Variants in DUSP16 observed in about 807,000 individuals in gnomAD.
DUSP16 encodes the protein dual specificity protein phosphatase 16.
DUSP16 carries 21 observed loss-of-function variants against 58.3 expected under a neutral mutation model. That is an observed-to-expected ratio of 0.36 (90% CI 0.26 to 0.52). The LOEUF (loss-of-function observed/expected upper bound fraction) is 0.52, where lower values mean the gene tolerates loss of function less well. DUSP16 is among the 20% of genes least tolerant of loss of function. The probability of loss-of-function intolerance (pLI) is 0.94; values close to 1 mark genes in which losing one functional copy is unlikely to be tolerated. For missense variants in DUSP16, 726 were observed against 819.0 expected (o/e 0.89, Z 1.39); for synonymous variants, 320 against 323.8 (o/e 0.99, Z 0.12).
intron 3 of DUSP16, among the ~76,000 whole-genome samples, chr12:12,511,507 T>C (rs1944079295): frequency 2.0e-5 from 3 of 152,090 alleles, no homozygotes; most frequent in Admixed American, 2.0e-4. Context: ...AATCATGTTC[T>C]TTCCCCCTCA....
chr12:12,486,855 A>C (rs1442236098), intron 5 of DUSP16, among the ~76,000 whole-genome samples, 173 bp downstream of exon 5: 1 of 152,230 alleles, frequency 6.6e-6, no homozygotes, highest in Non-Finnish European at 1.5e-5. Flanking sequence ...ACAGTGTGAC[A>C]CACACGTCAC....
At chr12:12,540,944 CTTTTCTT>C (rs1566043601) in intron 1 of DUSP16, among the ~76,000 whole-genome samples, 9 of 100,656 alleles carry the variant, frequency 8.9e-5, no homozygotes, top group African/African-American at 3.2e-4. Context: ...CTTTTCTTTT[CTTTTCTT>C]TTTTTTTTTT....
intron 1 of DUSP16, among the ~76,000 whole-genome samples, chr12:12,543,768 C>G (rs1412312032): frequency 6.6e-6 from 1 of 151,804 alleles, no homozygotes; most frequent in Admixed American, 6.6e-5. Flanking sequence ...AGAAACAAAA[C>G]CAATAAAAAA....
At position 12,504,123 on chromosome 12, in the gene DUSP16, T is replaced by C. The variant is rs115727150; in HGVS notation, c.368-3441A>G. Among the ~76,000 whole-genome samples, 1,369 of 152,342 alleles carry C rather than the reference T, an allele frequency of 9.0e-3. 25 individuals carry two copies. Among genetic ancestry groups the C allele is most frequent in the African/African-American group, 0.031 (1,274 of 41,578 alleles). On this transcript the variant is annotated intron_variant, in intron 3 of 6. Transcript: ENST00000298573. ...AGTTTTTTCCCCAAGGTAGTTCTTGTAACAATAAATGTTAAAGATTCTCAT... is the reference window on the plus strand; with the variant it reads ...AGTTTTTTCCCCAAGGTAGTTCTTGCAACAATAAATGTTAAAGATTCTCAT...
At chr12:12,481,340 C>T (rs182353188) in intron 5 of DUSP16, among the ~76,000 whole-genome samples, 1 of 152,288 alleles carries the variant, frequency 6.6e-6, no homozygotes, top group Admixed American at 6.5e-5. Context: ...TTCCACACAG[C>T]CTGGAAGCTA....
chr12:12,508,734 A>G (rs771822680), intron 3 of DUSP16, among the ~76,000 whole-genome samples: 9 of 152,224 alleles, frequency 5.9e-5, no homozygotes, highest in Non-Finnish European at 1.2e-4. Flanking sequence ...GCCCTATATT[A>G]AACAACCCTA....
intron 1 of DUSP16, among the ~76,000 whole-genome samples, chr12:12,538,764 G>A (rs1411906005): frequency 1.3e-5 from 2 of 152,212 alleles, no homozygotes; most frequent in Non-Finnish European, 2.9e-5. Context: ...AGTGAAGGGG[G>A]AGGAACCCTC....
intron 3 of DUSP16, among the ~76,000 whole-genome samples, chr12:12,518,672 C>T (rs1477332222): frequency 6.6e-6 from 1 of 152,154 alleles, no homozygotes; most frequent in Middle Eastern, 3.2e-3. Flanking sequence ...CACACTCATA[C>T]TCCCAGTAAA....
At position 12,476,413 on chromosome 12, in the gene DUSP16, C is replaced by A. The variant is rs1325556067; in HGVS notation, c.*420G>T. ...TAACAGGGTCTACCTACCTGACCCC[C>A]AAGCTGGCTCAGTCTCAGCGCTAAG... is the stretch of plus-strand genomic sequence containing the variant. On this transcript the variant is annotated 3_prime_UTR_variant, in exon 7 of 7. Transcript: ENST00000298573. 1 of 157,528 alleles carries A rather than the reference C, an allele frequency of 6.3e-6. No individual in the cohort carries two copies. Among genetic ancestry groups the A allele is most frequent in the Non-Finnish European group, 1.4e-5 (1 of 71,688 alleles). The allele number at this position is 157,528 out of a possible 1,614,324, so 9.8% of individuals were successfully genotyped here.
Position 12,507,920 on chromosome 12 carries a change from T to C in DUSP16, c.368-7238A>G, listed in dbSNP as rs568085246. Among the ~76,000 whole-genome samples, 8 of 152,376 alleles carry C rather than the reference T, an allele frequency of 5.3e-5. No homozygotes were observed. In the East Asian group the frequency reaches 5.8e-4, roughly 11 times the overall value. ...CACCGTGCCCAGCCATTAAATTCTT[T>C]TGTAGTTCTCAAGTAGTTTAATTCT... On this transcript the variant is annotated intron_variant, in intron 3 of 6. Coordinates refer to ENST00000298573, the MANE Select transcript of DUSP16 (RefSeq NM_030640.3).
intron 6 of DUSP16, 137 bp from the exon 7 acceptor site, chr12:12,478,152 G>A: frequency 1.2e-6 from 1 of 807,560 alleles, no homozygotes; most frequent in Non-Finnish European, 2.0e-6. Flanking sequence ...ACAAGTTCGG[G>A]GAGATGCTTC....
At chr12:12,490,552 C>T (rs1328548986) in intron 4 of DUSP16, among the ~76,000 whole-genome samples, 7 of 152,152 alleles carry the variant, frequency 4.6e-5, no homozygotes, top group Non-Finnish European at 1.0e-4. Flanking sequence ...TATACATACT[C>T]GAAACATCAT....
chr12:12,505,005 T>C (rs1297507955), intron 3 of DUSP16, among the ~76,000 whole-genome samples: 4 of 152,246 alleles, frequency 2.6e-5, no homozygotes, highest in African/African-American at 2.4e-5. Flanking sequence ...TTATAAATAA[T>C]GTATGTAATC....
chr12:12,521,893 C>CA (rs570702204), intron 1 of DUSP16, among the ~76,000 whole-genome samples: 82 of 143,302 alleles, frequency 5.7e-4, no homozygotes, highest in South Asian at 2.9e-3. Flanking sequence ...GTTACCAGGA[C>CA]AAAAAAAAAA....
At chr12:12,489,086 AACAC>A (rs1943726151) in intron 4 of DUSP16, among the ~76,000 whole-genome samples, 1 of 152,322 alleles carries the variant, frequency 6.6e-6, no homozygotes, top group South Asian at 2.1e-4. Flanking sequence ...ATCTCAAACA[AACAC>A]ACAAACAAAA....
At chr12:12,486,416 G>T (rs1055498615) in intron 5 of DUSP16, among the ~76,000 whole-genome samples, 1 of 151,890 alleles carries the variant, frequency 6.6e-6, no homozygotes, top group Admixed American at 6.6e-5. Context: ...AGCCCAGGAA[G>T]CACAACAAAG....
In DUSP16 at chr12:12,512,913, ATG is replaced by A. The variant is rs1320774832; in HGVS notation, c.367+6947_367+6948del. On this transcript the variant is annotated intron_variant, in intron 3 of 6. Coordinates refer to ENST00000298573, the MANE Select transcript of DUSP16 (RefSeq NM_030640.3). ...AACACCAAACTAGATAACAGAATTT[ATG>A]GTAATAGCACAAAGAGCAAAATCCA... Among the ~76,000 whole-genome samples, 4 of 152,228 alleles carry A rather than the reference ATG, an allele frequency of 2.6e-5. No individual in the cohort carries two copies. In the East Asian group the frequency reaches 5.8e-4, roughly 22 times the overall value.
chr12:12,483,412 T>C (rs1943614141), intron 5 of DUSP16, among the ~76,000 whole-genome samples: 1 of 152,098 alleles, frequency 6.6e-6, no homozygotes, highest in Non-Finnish European at 1.5e-5. Flanking sequence ...TTTTTTTTCA[T>C]TTTACATTAT....
Position 12,500,509 on chromosome 12 carries a change from A to G in DUSP16, c.531+10T>C, listed in dbSNP as rs1333182110. On this transcript the variant is annotated intron_variant, in intron 4 of 6. Coordinates refer to ENST00000298573, the MANE Select transcript of DUSP16 (RefSeq NM_030640.3). ...AACCCAGCAATGAAGGATATTTTCA[A>G]AGCACCCACCTTGTTGAGGACATCT... 1 of 1,594,260 alleles carries G rather than the reference A, an allele frequency of 6.3e-7. No homozygotes were observed. The highest frequency in any genetic ancestry group is 2.3e-5 in the East Asian group (1 of 44,226).
Sources: gnomAD v4.1 joint callset for allele counts (sites outside exome capture counted in the v4.1 genomes callset) on GRCh38, gnomAD v4.1.1 for gene constraint, MANE v1.5 for transcripts, NCBI Gene and HGNC (gene_info 2026-07-23, HGNC 2026-07-21) for gene names.